The following COPG2 variants were observed in gnomAD, a reference collection of about 807,000 sequenced individuals.
The protein encoded by COPG2 is coatomer subunit gamma-2.
Under a neutral mutation model 46.3 loss-of-function variants are expected in COPG2, and 37 were observed. The ratio of observed to expected loss-of-function variants is 0.80; its 90% confidence interval spans 0.61 to 1.05. The LOEUF (loss-of-function observed/expected upper bound fraction) is 1.05. Among genes scored for constraint, COPG2 ranks in the 50% least tolerant of loss-of-function variants. The pLI is 0.00. For missense variants in COPG2, 427 were observed against 387.8 expected (o/e 1.10, Z -0.85); for synonymous variants, 159 against 129.7 (o/e 1.23, Z -1.53).
At chr7:130,511,421 T>C (rs1479599543) in intron 20 of COPG2, 9 of 519,790 alleles carry the variant, frequency 1.7e-5, no homozygotes, top group Admixed American at 1.4e-4. Context: ...AGCTGGGCAG[T>C]GAGTGCCAAA....
intron 20 of COPG2, among the ~76,000 whole-genome samples, chr7:130,533,890 G>A (rs1427710676): frequency 6.6e-6 from 1 of 151,672 alleles, no homozygotes; most frequent in Non-Finnish European, 1.5e-5. Flanking sequence ...AAGGCACTAT[G>A]TGGGTCGTGA....
intron 3 of COPG2, among the ~76,000 whole-genome samples, chr7:130,666,052 T>C (rs1796073523): frequency 6.6e-6 from 1 of 152,194 alleles, no homozygotes; most frequent in African/African-American, 2.4e-5. Context: ...CTATTCTCAG[T>C]GCTTTACACT....
At chr7:130,578,056 A>G (rs1794048198) in intron 9 of COPG2, among the ~76,000 whole-genome samples, 1 of 152,246 alleles carries the variant, frequency 6.6e-6, no homozygotes, top group South Asian at 2.1e-4. Flanking sequence ...AGCACAGACG[A>G]ACCAAAAGAC....
At chr7:130,585,293 G>A (rs1269761755) in intron 9 of COPG2, among the ~76,000 whole-genome samples, 1 of 151,902 alleles carries the variant, frequency 6.6e-6, no homozygotes, top group South Asian at 2.1e-4. Flanking sequence ...GATCCTCATC[G>A]CTTACCTTAT....
intron 20 of COPG2, among the ~76,000 whole-genome samples, chr7:130,531,503 G>A (rs1799824728): frequency 6.6e-6 from 1 of 151,516 alleles, no homozygotes; most frequent in African/African-American, 2.4e-5. Flanking sequence ...GAGGCCAAAG[G>A]TAAGGACAGA....
intron 9 of COPG2, among the ~76,000 whole-genome samples, chr7:130,591,134 G>C (rs1313772089): frequency 7.6e-6 from 1 of 131,284 alleles, no homozygotes; most frequent in African/African-American, 2.8e-5. Context: ...CCGTCCGGAA[G>C]GGAGGTGGGG....
At chr7:130,509,768 A>G (rs781813966) in intron 20 of COPG2, 3 of 515,054 alleles carry the variant, frequency 5.8e-6, no homozygotes, top group Non-Finnish European at 1.2e-5. Flanking sequence ...TGTGTGATCT[A>G]TCTATGACTT....
At position 130,657,015 on chromosome 7, in the gene COPG2, A is replaced by G. The variant is rs542037858; in HGVS notation, c.244-4067T>C. Among the ~76,000 whole-genome samples the G allele has an allele frequency of 1.5e-4, 23 of 150,330 alleles. No individual in the cohort carries two copies. In the South Asian group the frequency reaches 4.6e-3, roughly 30 times the overall value. On this transcript the variant is annotated intron_variant, in intron 4 of 23. Transcript: ENST00000425248. ...TTTCTATATTATCTATATATAATATAGATATTTAAAATCCATATGGAAATG... is the reference window on the plus strand; with the variant it reads ...TTTCTATATTATCTATATATAATATGGATATTTAAAATCCATATGGAAATG...
intron 12 of COPG2, among the ~76,000 whole-genome samples, chr7:130,558,307 T>C (rs969433843): frequency 3.7e-4 from 57 of 152,070 alleles, no homozygotes; most frequent in African/African-American, 1.3e-3. Flanking sequence ...TGAGATCTGG[T>C]CATTTAAAAG....
At chr7:130,513,549 G>C (rs1027033764) in intron 20 of COPG2, among the ~76,000 whole-genome samples, 1 of 151,418 alleles carries the variant, frequency 6.6e-6, no homozygotes, top group Non-Finnish European at 1.5e-5. Flanking sequence ...AATACAAAGA[G>C]TAAGTAGATA....
intron 9 of COPG2, among the ~76,000 whole-genome samples, chr7:130,569,786 AAC>A (rs1245210476): frequency 6.6e-6 from 1 of 152,210 alleles, no homozygotes; most frequent in Non-Finnish European, 1.5e-5. Flanking sequence ...ATCCCTGATG[AAC>A]ACAGACACAG....
chr7:130,632,331 T>A (rs1795248821), intron 5 of COPG2, among the ~76,000 whole-genome samples: 1 of 152,198 alleles, frequency 6.6e-6, no homozygotes, highest in Non-Finnish European at 1.5e-5. Flanking sequence ...CCCACAGTGA[T>A]GTGTATATGT....
At chr7:130,626,415 T>A (rs1260636298) in intron 5 of COPG2, among the ~76,000 whole-genome samples, 3 of 147,510 alleles carry the variant, frequency 2.0e-5, no homozygotes, top group African/African-American at 7.7e-5. Flanking sequence ...TTTTTTTTTT[T>A]TTTTTTCTAT....
intron 4 of COPG2, among the ~76,000 whole-genome samples, chr7:130,657,800 G>A (rs782460940): frequency 3.3e-5 from 5 of 151,438 alleles, no homozygotes; most frequent in Non-Finnish European, 7.4e-5. Context: ...GAGATCATCA[G>A]TCATTGGAAA....
intron 20 of COPG2, among the ~76,000 whole-genome samples, chr7:130,532,396 G>C (rs899159781): frequency 2.7e-4 from 41 of 152,234 alleles, no homozygotes; most frequent in African/African-American, 9.6e-4. Context: ...AGGCGCAAAG[G>C]GGAATGGAGA....
rs913880871 is a variant in COPG2, at chr7:130,543,133, A to G, written c.2149+4541T>C. Among the ~76,000 whole-genome samples, 55 of 152,372 alleles carry G rather than the reference A, an allele frequency of 3.6e-4. No individual in the cohort carries two copies. In the East Asian group the frequency reaches 0.01, roughly 28 times the overall value. ...AATCACTGAAGGTCAGGATTTTGAA[A>G]GCAAACAATTAACAATGTAAAATTT... is the stretch of plus-strand genomic sequence containing the variant. On this transcript the variant is annotated intron_variant, in intron 20 of 23. Transcript: ENST00000425248.
intron 9 of COPG2, among the ~76,000 whole-genome samples, chr7:130,582,157 C>T (rs1348669801): frequency 1.4e-5 from 2 of 146,462 alleles, no homozygotes; most frequent in African/African-American, 5.0e-5. Flanking sequence ...AGATATAGAT[C>T]AATGGAACAG....
At chr7:130,521,473 A>C (rs976487348) in intron 20 of COPG2, among the ~76,000 whole-genome samples, 5 of 152,212 alleles carry the variant, frequency 3.3e-5, no homozygotes, top group Non-Finnish European at 5.9e-5. Flanking sequence ...GCAAGATCTT[A>C]GTGAATACAC....
intron 9 of COPG2, among the ~76,000 whole-genome samples, chr7:130,572,510 G>GT: frequency 6.6e-6 from 1 of 152,184 alleles, no homozygotes; most frequent in East Asian, 1.9e-4. Flanking sequence ...ATCATACAAA[G>GT]TATGTTGTTC....
Sources: allele counts gnomAD v4.1 joint callset (sites outside exome capture counted in the v4.1 genomes callset), GRCh38; gene constraint gnomAD v4.1.1; transcripts MANE v1.5; gene names NCBI Gene and HGNC (gene_info 2026-07-23, HGNC 2026-07-21).